The following POTEM variants were observed in gnomAD, a reference collection of about 807,000 sequenced individuals.
POTEM encodes POTE ankyrin domain family member M.
For synonymous variants in POTEM, 8 were observed against 113.2 expected, an observed-to-expected ratio of 0.07 and a Z score of 5.90; for missense variants, 24 against 343.0, an observed-to-expected ratio of 0.07 and a Z score of 7.35.
chr14:18,981,360 CAATT>C (rs1280254336), intron 6 of POTEM, among the ~76,000 whole-genome samples: 3 of 148,324 alleles, frequency 2.0e-5, no homozygotes, highest in South Asian at 2.1e-4. Context: ...AGAGCACAAA[CAATT>C]AAAAGTAGAG....
At chr14:18,968,511 T>C (rs1397851888) in intron 1 of POTEM, among the ~76,000 whole-genome samples, 1 of 151,892 alleles carries the variant, frequency 6.6e-6, no homozygotes, top group African/African-American at 2.4e-5. Flanking sequence ...AATAGGAAGA[T>C]TGAATTTTCT....
At chr14:18,968,459 T>C (rs1890816095) in intron 1 of POTEM, among the ~76,000 whole-genome samples, 1 of 152,224 alleles carries the variant, frequency 6.6e-6, no homozygotes, top group Non-Finnish European at 1.5e-5. Context: ...TACTGAGTAA[T>C]CTTAGAAGGA....
At chr14:18,973,426 C>CT (rs1223078634) in intron 3 of POTEM, among the ~76,000 whole-genome samples, 1 of 37,336 alleles carries the variant, frequency 2.7e-5, no homozygotes, top group African/African-American at 1.0e-4. Context: ...GCGGTAAATA[C>CT]TTTTTTTTGA....
At chr14:18,995,107 T>C (rs1891278307) in intron 9 of POTEM, among the ~76,000 whole-genome samples, 1 of 71,076 alleles carries the variant, frequency 1.4e-5, no homozygotes, top group Admixed American at 1.4e-4. Flanking sequence ...AATTTTCAAA[T>C]TTTCTTCCCA....
intron 7 of POTEM, among the ~76,000 whole-genome samples, chr14:18,986,391 G>A (rs1365158116): frequency 1.5e-5 from 2 of 137,852 alleles, no homozygotes; most frequent in African/African-American, 5.9e-5. Flanking sequence ...TGTTCAGGGA[G>A]GGAACCAGGT....
chr14:18,986,574 C>T (rs1594277499), intron 7 of POTEM, among the ~76,000 whole-genome samples: 1 of 141,646 alleles, frequency 7.1e-6, no homozygotes, highest in Non-Finnish European at 1.5e-5. Flanking sequence ...TAGAACTGGA[C>T]TTAAGCAGAT....
At chr14:18,996,280 G>C (rs1257014157) in intron 9 of POTEM, among the ~76,000 whole-genome samples, 2 of 150,586 alleles carry the variant, frequency 1.3e-5, no homozygotes, top group African/African-American at 2.5e-5. Flanking sequence ...CATAATATTA[G>C]ACCCTGTCTT....
In POTEM at chr14:18,967,863, C is replaced by T. The variant is rs758155145; in HGVS notation, c.378C>T (p.Ser126=). Residue 126 remains serine (S), a synonymous_variant, in exon 1 of 11, where the codon AGC becomes AGT. Coordinates refer to ENST00000547889, the MANE Select transcript of POTEM (RefSeq NM_001145442.1). ...KVGPWGDYDD[S]AFMEPRYHVR... ...GCCCCTGGGGAGACTACGACGACAGCGCTTTCATGGAGCCGAGGTACCACG... is the reference window on the plus strand; with the variant it reads ...GCCCCTGGGGAGACTACGACGACAGTGCTTTCATGGAGCCGAGGTACCACG... 44 of 1,176,498 alleles carry T rather than the reference C, an allele frequency of 3.7e-5. No individual in the cohort carries two copies. In the East Asian group the frequency reaches 5.9e-4, roughly 16 times the overall value. 72.9% of individuals were successfully genotyped at this position (1,176,498 alleles called of 1,614,324 possible).
intron 1 of POTEM, among the ~76,000 whole-genome samples, chr14:18,969,390 C>CTT (rs1211956667): frequency 7.5e-5 from 8 of 106,822 alleles, no homozygotes; most frequent in African/African-American, 2.0e-4. Flanking sequence ...CACAAAATTT[C>CTT]TTTTTTTTTT....
chr14:18,982,775 G>T (rs1387337344), intron 6 of POTEM, among the ~76,000 whole-genome samples: 5 of 63,970 alleles, frequency 7.8e-5, no homozygotes, highest in South Asian at 4.4e-4. Flanking sequence ...TTGGTGTTAT[G>T]CTTTTTTCAT....
At chr14:18,969,463 A>T (rs1890860693) in intron 1 of POTEM, among the ~76,000 whole-genome samples, 1 of 102,406 alleles carries the variant, frequency 9.8e-6, no homozygotes, top group Non-Finnish European at 1.9e-5. Flanking sequence ...GCTCACTGCA[A>T]CCTCTGCCTC....
At chr14:18,985,899 G>A (rs1350102878) in intron 7 of POTEM, among the ~76,000 whole-genome samples, 3 of 95,680 alleles carry the variant, frequency 3.1e-5, no homozygotes, top group Admixed American at 1.2e-4. Flanking sequence ...GCAAGACTCT[G>A]TGTCAAAAAA....
At chr14:18,969,359 A>ATATATATATATATATATATACATGTG (rs1566537807) in intron 1 of POTEM, among the ~76,000 whole-genome samples, 256 of 87,138 alleles carry the variant, frequency 2.9e-3, no homozygotes, top group Middle Eastern at 0.013. Flanking sequence ...ATACATGTGT[A>ATATATATATATATATATATACATGTG]TATATATATA....
In POTEM at chr14:18,981,796, T is replaced by C. The variant is rs1261183556; in HGVS notation, c.1126+1652T>C. 9.3e-4 allele frequency among the ~76,000 whole-genome samples: 138 copies of C among 149,150 alleles called. 1 individual carries two copies. Among genetic ancestry groups the C allele is most frequent in the African/African-American group, 2.6e-3 (105 of 39,624 alleles). On this transcript the variant is annotated intron_variant, in intron 6 of 10. Coordinates refer to ENST00000547889, the MANE Select transcript of POTEM (RefSeq NM_001145442.1). ...AGAGGTTGGGAATGAGGTGAATACT[T>C]AGCTAAGGCAAGTTCATGATAGACT...
intron 1 of POTEM, among the ~76,000 whole-genome samples, chr14:18,969,598 G>A (rs1172880341): frequency 1.8e-5 from 1 of 54,948 alleles, no homozygotes; most frequent in Non-Finnish European, 3.4e-5. Context: ...TGGCCAGGCT[G>A]GTCTTGAACT....
intron 1 of POTEM, among the ~76,000 whole-genome samples, chr14:18,968,650 C>G (rs1479106778): frequency 5.4e-5 from 8 of 146,896 alleles, no homozygotes; most frequent in African/African-American, 2.0e-4. Context: ...GAAACCCCGT[C>G]TCTACTAAAA....
intron 1 of POTEM, among the ~76,000 whole-genome samples, chr14:18,969,384 A>T (rs1453644990): frequency 3.6e-4 from 24 of 66,760 alleles, no homozygotes; most frequent in South Asian, 1.1e-3. Context: ...TATATACACA[A>T]AATTTCTTTT....
At chr14:18,986,099 T>G (rs1218262666) in intron 7 of POTEM, among the ~76,000 whole-genome samples, 1 of 138,806 alleles carries the variant, frequency 7.2e-6, no homozygotes, top group Admixed American at 7.1e-5. Context: ...AGCTTATAGC[T>G]AATCTTTCCT....
At chr14:18,969,380 CACAAA>C (rs1890857929) in intron 1 of POTEM, among the ~76,000 whole-genome samples, 1 of 58,582 alleles carries the variant, frequency 1.7e-5, no homozygotes, top group Non-Finnish European at 4.5e-5. Flanking sequence ...TATATATATA[CACAAA>C]ATTTCTTTTT....
Sources: gnomAD v4.1 joint callset for allele counts (sites outside exome capture counted in the v4.1 genomes callset) on GRCh38, gnomAD v4.1.1 for gene constraint, MANE v1.5 for transcripts, NCBI Gene and HGNC (gene_info 2026-07-23, HGNC 2026-07-21) for gene names.